MYMX: variants seen among roughly 807,000 people sequenced by gnomAD.
MYMX encodes myomixer, myoblast fusion factor, also known as protein myomixer.
chr6:44,213,859 G>T (rs186779743), upstream of MYMX, among the ~76,000 whole-genome samples: 12 of 152,204 alleles, frequency 7.9e-5, no homozygotes, highest in Non-Finnish European at 1.8e-4. Flanking sequence ...CACCCAGGCT[G>T]CTGTGCAGTG....
the MYMX span, among the ~76,000 whole-genome samples, chr6:44,211,788 T>TTTTGTGTGTGTGTGTGTGTGTGTGTG: frequency 8.5e-4 from 107 of 126,424 alleles, no homozygotes; most frequent in Middle Eastern, 3.9e-3. Flanking sequence ...CAGCTAGGTT[T>TTTTGTGTGTGTGTGTGTGTGTGTGTG]TGTGTGTGTG....
At chr6:44,208,183 G>A in the MYMX span, among the ~76,000 whole-genome samples, 4 of 151,592 alleles carry the variant, frequency 2.6e-5, no homozygotes, top group African/African-American at 7.3e-5. Context: ...GGAGGTCAAG[G>A]GTGCAGTGAG....
At chr6:44,199,076 T>C in the MYMX span, among the ~76,000 whole-genome samples, 6 of 152,224 alleles carry the variant, frequency 3.9e-5, no homozygotes. Flanking sequence ...AATCTCTCTA[T>C]TCTGTTCCTT....
upstream of MYMX, among the ~76,000 whole-genome samples, chr6:44,216,212 C>G (rs555819258): frequency 6.6e-6 from 1 of 152,250 alleles, no homozygotes; most frequent in Non-Finnish European, 1.5e-5. Context: ...AGTCTGCAGA[C>G]TCACTGCTTC....
chr6:44,215,652 T>C (rs1301831679), upstream of MYMX, among the ~76,000 whole-genome samples: 1 of 152,028 alleles, frequency 6.6e-6, no homozygotes, highest in South Asian at 2.1e-4. Flanking sequence ...CCCAACACTT[T>C]GGGAGGCCAA....
At chr6:44,200,359 G>A in the MYMX span, among the ~76,000 whole-genome samples, 2 of 151,820 alleles carry the variant, frequency 1.3e-5, no homozygotes, top group Non-Finnish European at 2.9e-5. Flanking sequence ...CTGTCACCCA[G>A]GTTGGAGTGC....
the MYMX span, among the ~76,000 whole-genome samples, chr6:44,207,145 C>T: frequency 6.6e-6 from 1 of 152,142 alleles, no homozygotes; most frequent in Non-Finnish European, 1.5e-5. Context: ...TCCTTAACTG[C>T]CTGTGACAGG....
At chr6:44,209,927 A>AG in the MYMX span, 14 of 66,578 alleles carry the variant, frequency 2.1e-4, no homozygotes, top group African/African-American at 1.5e-3. Context: ...CAAAAAAAGT[A>AG]TATATATATA....
the MYMX span, among the ~76,000 whole-genome samples, chr6:44,207,763 TC>T: frequency 1.7e-4 from 26 of 151,542 alleles, no homozygotes; most frequent in African/African-American, 6.3e-4. Flanking sequence ...ACTCCCTACC[TC>T]AGGTGATCCG....
the MYMX span, among the ~76,000 whole-genome samples, chr6:44,201,425 GCTCCTTGTCAGAA>G: frequency 6.6e-6 from 1 of 152,106 alleles, no homozygotes; most frequent in Non-Finnish European, 1.5e-5. Flanking sequence ...GGCCTCCCTG[GCTCCTTGTCAGAA>G]CTCCTTGTTT....
At chr6:44,194,109 T>C in the MYMX span, among the ~76,000 whole-genome samples, 69 of 152,348 alleles carry the variant, frequency 4.5e-4, no homozygotes, top group African/African-American at 1.5e-3. Context: ...CTTTGATATA[T>C]ATGTTATCAG....
At chr6:44,206,471 A>C in the MYMX span, among the ~76,000 whole-genome samples, 2 of 152,100 alleles carry the variant, frequency 1.3e-5, no homozygotes, top group African/African-American at 4.8e-5. Flanking sequence ...GCCTCAAATG[A>C]TCCACCTGCC....
chr6:44,203,643 G>A, the MYMX span, among the ~76,000 whole-genome samples: 37 of 152,250 alleles, frequency 2.4e-4, no homozygotes, highest in African/African-American at 8.7e-4. Flanking sequence ...GCAGCTGTCT[G>A]TTTAGGAACC....
At chr6:44,211,430 G>T in the MYMX span, among the ~76,000 whole-genome samples, 2 of 152,048 alleles carry the variant, frequency 1.3e-5, no homozygotes, top group African/African-American at 2.4e-5. Flanking sequence ...GGTTATTTAA[G>T]GTTGCTTCAG....
At chr6:44,203,585 C>T in the MYMX span, among the ~76,000 whole-genome samples, 9 of 152,104 alleles carry the variant, frequency 5.9e-5, no homozygotes, top group African/African-American at 2.2e-4. Flanking sequence ...TCCTCCTGAG[C>T]AATTTGTGAG....
chr6:44,218,123 T>G lies in MYMX; in HGVS notation c.*397T>G. 2 of 166,924 alleles carry G rather than the reference T, an allele frequency of 1.2e-5. No individual in the cohort carries two copies. Among genetic ancestry groups the G allele is most frequent in the Non-Finnish European group, 1.3e-5 (1 of 78,390 alleles). The allele number at this position is 166,924 out of a possible 1,614,324, so 10.3% of individuals were successfully genotyped here. The stretch of plus-strand genomic sequence containing the variant: ...AGGCAAGATTTGAATCCAGACTGTC[T>G]TCCAGACTCAGGACCTACCTTAAAA... On this transcript the variant is annotated 3_prime_UTR_variant, in exon 2 of 2. Transcript: ENST00000573382.
chr6:44,217,396 C>A (rs910269027), intron 1 of MYMX, 54 bp from the exon 2 acceptor site: 7 of 398,442 alleles, frequency 1.8e-5, no homozygotes, highest in Non-Finnish European at 2.7e-5. Flanking sequence ...CATGTCCTTG[C>A]CAGGTGAGGC....
chr6:44,211,113 TAAAC>T, the MYMX span, among the ~76,000 whole-genome samples: 19 of 152,210 alleles, frequency 1.2e-4, no homozygotes, highest in East Asian at 2.5e-3. Flanking sequence ...AATAAATAAA[TAAAC>T]AAACAAGTAA....
chr6:44,205,979 C>CAAAA, the MYMX span, among the ~76,000 whole-genome samples: 466 of 46,446 alleles, frequency 0.01, 36 homozygotes, highest in Middle Eastern at 0.048. Context: ...GACCCTTTCT[C>CAAAA]AAAAAAAAAA....
Sources: gnomAD v4.1 joint callset for allele counts (sites outside exome capture counted in the v4.1 genomes callset) on GRCh38, gnomAD v4.1.1 for gene constraint, MANE v1.5 for transcripts, NCBI Gene and HGNC (gene_info 2026-07-23, HGNC 2026-07-21) for gene names.